ADAM19: variants seen among roughly 807,000 people sequenced by gnomAD.
ADAM19 encodes disintegrin and metalloproteinase domain-containing protein 19.
ADAM19 carries 65 observed loss-of-function variants against 114.7 expected under a neutral mutation model. The ratio of observed to expected loss-of-function variants is 0.57; its 90% CI spans 0.46 to 0.70. The LOEUF (loss-of-function observed/expected upper bound fraction) is 0.70. Among genes scored for constraint, ADAM19 ranks in the 30% least tolerant of loss-of-function variants. The pLI is 0.00. For missense variants in ADAM19, 1,063 were observed against 1,204.7 expected, an observed-to-expected ratio of 0.88 and a Z score of 1.74; for synonymous variants, 466 against 460.5, an observed-to-expected ratio of 1.01 and a Z score of -0.15.
intron 8 of ADAM19, among the ~76,000 whole-genome samples, chr5:157,512,081 A>T (rs2113730152): frequency 6.6e-6 from 1 of 152,342 alleles, no homozygotes; most frequent in South Asian, 2.1e-4. Context: ...TTGTTTTCCC[A>T]GATGTCAAAT....
intron 18 of ADAM19, 99 bp from the exon 19 acceptor site, chr5:157,490,553 G>T: frequency 7.2e-7 from 1 of 1,391,494 alleles, no homozygotes; most frequent in Non-Finnish European, 9.9e-7. Context: ...CATTTGATTT[G>T]CATTTAATTT....
intron 2 of ADAM19, chr5:157,568,470 T>A (rs1367862537): frequency 3.9e-5 from 6 of 152,326 alleles, no homozygotes; most frequent in Non-Finnish European, 8.8e-5. Flanking sequence ...CTGATGAAAC[T>A]CCACTCTGTA....
chr5:157,495,933 CTTTTTTTTTTT>C (rs57078206), intron 14 of ADAM19, among the ~76,000 whole-genome samples: 905 of 75,946 alleles, frequency 0.012, 15 homozygotes, highest in African/African-American at 0.044. Flanking sequence ...TGTGCCCAGT[CTTTTTTTTTTT>C]TTTTTTTTTT....
At chr5:157,533,100 T>C (rs994484382) in intron 4 of ADAM19, among the ~76,000 whole-genome samples, 1 of 152,120 alleles carries the variant, frequency 6.6e-6, no homozygotes, top group Non-Finnish European at 1.5e-5. Flanking sequence ...TGCTCCAGCA[T>C]ATCCAGCCAG....
intron 22 of ADAM19, chr5:157,481,466 C>T (rs1754743976): frequency 2.5e-6 from 2 of 814,710 alleles, no homozygotes; most frequent in Admixed American, 2.9e-5. Flanking sequence ...CCTGATGGGG[C>T]TGGTACTACT....
Position 157,493,083 on chromosome 5 carries a change from C to T in ADAM19, c.1798G>A (p.Gly600Arg). ...VPIDTTIIMN[G>R]RQIQCRGTHV... ...GTGCCCCGGCACTGGATCTGCCTCC[C>T]ATTCATGATGATAGTGGTGTCAATG... is the stretch of plus-strand genomic sequence containing the variant. The change falls in exon 16 of 23, where the codon GGG becomes AGG. Residue 600 changes from glycine (G) to arginine (R), a missense_variant. By Grantham distance (125) the Gly-to-Arg change is moderately radical. Around this residue, in one of 3 missense-constraint regions of ADAM19, gnomAD observed 424 missense variants for 445.5 expected, o/e 0.95. Transcript: ENST00000257527. 1 of 1,614,230 alleles carries T rather than the reference C, an allele frequency of 6.2e-7. No individual in the cohort carries two copies. The highest frequency in any genetic ancestry group is 8.5e-7 in the Non-Finnish European group (1 of 1,180,034).
intron 3 of ADAM19, among the ~76,000 whole-genome samples, chr5:157,557,677 G>C (rs1334091330): frequency 2.0e-5 from 3 of 152,144 alleles, no homozygotes; most frequent in African/African-American, 7.2e-5. Flanking sequence ...AGCAGATTTC[G>C]TGTCTAGTGA....
chr5:157,552,909 T>A (rs1324170712), intron 3 of ADAM19, among the ~76,000 whole-genome samples: 1 of 152,120 alleles, frequency 6.6e-6, no homozygotes. Context: ...TGGAGATCAT[T>A]ATGTTAAGTG....
intron 16 of ADAM19, among the ~76,000 whole-genome samples, chr5:157,492,223 C>G (rs180706188): frequency 5.5e-4 from 83 of 152,216 alleles, no homozygotes; most frequent in African/African-American, 1.9e-3. Context: ...GCCTGGGAGA[C>G]AGAGGTTGCA....
intron 21 of ADAM19, among the ~76,000 whole-genome samples, chr5:157,485,977 A>G (rs1754917903): frequency 3.3e-5 from 5 of 152,204 alleles, no homozygotes; most frequent in Admixed American, 3.3e-4. Flanking sequence ...CTTCCTCGTC[A>G]TTGCCTGGCC....
chr5:157,497,392 C>T (rs142680379), intron 13 of ADAM19, among the ~76,000 whole-genome samples: 38 of 152,302 alleles, frequency 2.5e-4, no homozygotes, highest in Non-Finnish European at 4.4e-4. Flanking sequence ...GTAATAGCAG[C>T]TACTTTTATG....
Position 157,519,972 on chromosome 5 carries a change from T to A in ADAM19, c.467A>T (p.Lys156Met). 6.2e-7 allele frequency: 1 copy of A among 1,614,162 alleles called. No homozygotes were observed. The highest frequency in any genetic ancestry group is 2.2e-5 in the East Asian group (1 of 44,874). ...SYVIEPLPDSKGQHLIYRSEH... is the reference protein window; with the variant it reads ...SYVIEPLPDSMGQHLIYRSEH... ...AGATCTGTAAATAAGGTGTTGGCCCTTGCTGTCAGGGAGGGGCTCGATGAC... is the reference window on the plus strand; with the variant it reads ...AGATCTGTAAATAAGGTGTTGGCCCATGCTGTCAGGGAGGGGCTCGATGAC... Residue 156 changes from lysine to methionine, a missense_variant, in exon 6 of 23, where the codon AAG becomes ATG. This residue lies in a region of ADAM19 where 615 missense variants were observed against 706.3 expected (regional missense o/e 0.87). Coordinates refer to ENST00000257527, the MANE Select transcript of ADAM19 (RefSeq NM_033274.5).
At chr5:157,490,179 G>A (rs1483264028) in intron 19 of ADAM19, 131 bp downstream of exon 19, 1 of 958,792 alleles carries the variant, frequency 1.0e-6, no homozygotes, top group Non-Finnish European at 1.6e-6. Flanking sequence ...CAGGGGAGAG[G>A]GCAGCATGTA....
At chr5:157,565,206 C>T (rs900045437) in intron 2 of ADAM19, among the ~76,000 whole-genome samples, 1 of 152,008 alleles carries the variant, frequency 6.6e-6, no homozygotes, top group Non-Finnish European at 1.5e-5. Flanking sequence ...AAACTATGTT[C>T]GACATCGCTA....
At chr5:157,507,029 A>G (rs1193093387) in intron 10 of ADAM19, 27 bp downstream of exon 10, 2 of 1,598,982 alleles carry the variant, frequency 1.3e-6, no homozygotes, top group Admixed American at 1.7e-5. Flanking sequence ...CGCCTTCTGC[A>G]GCGCACACAC....
Position 157,517,369 on chromosome 5 carries a change from C to T in ADAM19, c.666+1454G>A, listed in dbSNP as rs1440300486. ...GGCCAGTGTCTGCCCTGCTCGAACA[C>T]AGCGAGCGCTCAGCTCATAATGACA... On this transcript the variant is annotated intron_variant, in intron 7 of 22. Coordinates refer to ENST00000257527, the MANE Select transcript of ADAM19 (RefSeq NM_033274.5). 2.6e-5 allele frequency among the ~76,000 whole-genome samples: 4 copies of T among 152,236 alleles called. No individual in the cohort carries two copies. The East Asian group carries it at 7.7e-4, about 29-fold the overall frequency.
intron 3 of ADAM19, among the ~76,000 whole-genome samples, chr5:157,548,008 T>A (rs6896064): frequency 6.6e-6 from 1 of 152,114 alleles, no homozygotes. Context: ...TCCTTCCTCC[T>A]GCTCTCTGTT....
intron 3 of ADAM19, among the ~76,000 whole-genome samples, chr5:157,557,665 T>C (rs11134814): frequency 0.31 from 47,083 of 152,014 alleles, 8,042 homozygotes; most frequent in Middle Eastern, 0.45. Flanking sequence ...GATCAAGGGA[T>C]CAGCAGATTT....
At chr5:157,553,332 T>A (rs11958568) in intron 3 of ADAM19, among the ~76,000 whole-genome samples, 30,651 of 152,058 alleles carry the variant, frequency 0.2, 4,284 homozygotes, top group African/African-American at 0.39. Flanking sequence ...CTCACAAAAA[T>A]TAAAAATTAA....
Sources: gnomAD v4.1 joint callset for allele counts (sites outside exome capture counted in the v4.1 genomes callset) on GRCh38, gnomAD v4.1.1 for gene constraint, gnomAD v4.1.1 regional missense constraint, MANE v1.5 for transcripts, NCBI Gene and HGNC (gene_info 2026-07-23, HGNC 2026-07-21) for gene names.